TMEM244: variants seen among roughly 807,000 people sequenced by gnomAD.
The protein encoded by TMEM244 is putative transmembrane protein 244.
TMEM244 carries 13 observed loss-of-function variants against 15.8 expected under a neutral mutation model. The observed-to-expected ratio is 0.82, with a 90% CI of 0.53 to 1.30. The LOEUF is 1.30. Ranked by LOEUF, TMEM244 falls within the 50% of genes most tolerant of loss-of-function variation. TMEM244 has a pLI of 0.00. For synonymous variants in TMEM244, 45 were observed against 48.7 expected (o/e 0.92, Z 0.32); for missense variants, 161 against 144.9 (o/e 1.11, Z -0.57).
intron 1 of TMEM244, among the ~76,000 whole-genome samples, chr6:129,855,400 A>G (rs746728982): frequency 1.3e-5 from 2 of 152,296 alleles, no homozygotes; most frequent in African/African-American, 2.4e-5. Flanking sequence ...TTATTTCTCA[A>G]TGACAGAAAG....
At position 129,853,838 on chromosome 6, in the gene TMEM244, A is replaced by G. The variant is rs114968480; in HGVS notation, c.33+7318T>C. Among the ~76,000 whole-genome samples the G allele has an allele frequency of 3.5e-3, 537 of 152,312 alleles. 1 individual carries two copies. Among genetic ancestry groups the G allele is most frequent in the African/African-American group, 0.012 (497 of 41,580 alleles). ...GTGCACGTGGCATCCCTAAGGATTC[A>G]GAGCTTAAGTGGAGCCTGAGTACTT... On this transcript the variant is annotated intron_variant, in intron 1 of 4. Transcript: ENST00000368143.
chr6:129,850,617 C>T (rs1462339250), intron 1 of TMEM244, among the ~76,000 whole-genome samples: 1 of 152,104 alleles, frequency 6.6e-6, no homozygotes, highest in Non-Finnish European at 1.5e-5. Flanking sequence ...AAACACAATG[C>T]AAGCCACATA....
intron 4 of TMEM244, among the ~76,000 whole-genome samples, chr6:129,832,039 G>A (rs1180594898): frequency 6.6e-6 from 1 of 151,970 alleles, no homozygotes; most frequent in Non-Finnish European, 1.5e-5. Context: ...AGCGAAGCTA[G>A]GAAGTTGTAG....
At chr6:129,855,118 A>G (rs909920191) in intron 1 of TMEM244, among the ~76,000 whole-genome samples, 1 of 152,196 alleles carries the variant, frequency 6.6e-6, no homozygotes, top group Admixed American at 6.5e-5. Flanking sequence ...GGATTTCCAC[A>G]TGGGACAGCC....
chr6:129,838,940 G>A lies in TMEM244; in HGVS notation c.193+4590C>T, dbSNP rs937297667. On this transcript the variant is annotated intron_variant, in intron 3 of 4. Coordinates refer to ENST00000368143, the MANE Select transcript of TMEM244 (RefSeq NM_001010876.2). ...TCTGAAATAGAGGAAATAATTAATG[G>A]CCTATCAACCAAAAAAAGTCCATGA... is the stretch of plus-strand genomic sequence containing the variant. Among the ~76,000 whole-genome samples, 6 of 145,166 alleles carry A rather than the reference G, an allele frequency of 4.1e-5. No homozygotes were observed. In the East Asian group the frequency reaches 1.0e-3, roughly 24 times the overall value.
chr6:129,832,813 G>A (rs1776349185), intron 4 of TMEM244, among the ~76,000 whole-genome samples: 1 of 152,120 alleles, frequency 6.6e-6, no homozygotes, highest in African/African-American at 2.4e-5. Context: ...AAAATCACAG[G>A]TAGAAATAAA....
chr6:129,852,136 A>C (rs1776643700), intron 1 of TMEM244, among the ~76,000 whole-genome samples: 1 of 152,204 alleles, frequency 6.6e-6, no homozygotes. Context: ...AAGATTGAAT[A>C]GTTGATAATT....
intron 1 of TMEM244, among the ~76,000 whole-genome samples, chr6:129,856,269 G>C (rs941772339): frequency 1.5e-4 from 23 of 151,906 alleles, no homozygotes; most frequent in Admixed American, 1.5e-3. Context: ...ACATTCCAAT[G>C]GGATACTGTC....
At chr6:129,835,851 G>T (rs565702835) in intron 3 of TMEM244, among the ~76,000 whole-genome samples, 244 of 132,024 alleles carry the variant, frequency 1.8e-3, no homozygotes, top group African/African-American at 7.2e-3. Context: ...TTGATGTGGA[G>T]ATGGGCGTCT....
At chr6:129,857,079 T>C (rs1168590302) in intron 1 of TMEM244, among the ~76,000 whole-genome samples, 1 of 152,056 alleles carries the variant, frequency 6.6e-6, no homozygotes, top group East Asian at 1.9e-4. Context: ...TAACTAGCTA[T>C]TGTTTGTGTG....
intron 4 of TMEM244, 73 bp downstream of exon 4, chr6:129,833,384 TCTA>T (rs748963555): frequency 3.4e-6 from 5 of 1,479,486 alleles, no homozygotes; most frequent in Non-Finnish European, 4.5e-6. Flanking sequence ...ACAACAAAGT[TCTA>T]CTCAGGAAGT....
rs201466479 is a variant in TMEM244, at chr6:129,833,500, A to G, written c.279T>C (p.Ala93=). The change falls in exon 4 of 5, where the codon GCT becomes GCC. Residue 93 remains alanine (A), a synonymous_variant. Transcript: ENST00000368143. The part of the protein sequence containing the change: ...PVVEEWVWDY[A]ISVTILHVAI... The stretch of plus-strand genomic sequence containing the variant: ...CAACATGAAGAATAGTGACTGAAAT[A>G]GCATAATCCCAAACCCATTCTTCCA... 6.2e-7 allele frequency: 1 copy of G among 1,613,344 alleles called. No individual in the cohort carries two copies. The highest frequency in any genetic ancestry group is 1.7e-5 in the Admixed American group (1 of 59,978).
intron 4 of TMEM244, among the ~76,000 whole-genome samples, chr6:129,832,862 A>G (rs79444542): frequency 0.14 from 21,900 of 152,108 alleles, 1,763 homozygotes; most frequent in South Asian, 0.24. Flanking sequence ...TTTTAAAATA[A>G]CTATTGTTGG....
At chr6:129,838,602 TGG>T in intron 3 of TMEM244, among the ~76,000 whole-genome samples, 1 of 151,874 alleles carries the variant, frequency 6.6e-6, no homozygotes, top group Non-Finnish European at 1.5e-5. Context: ...CTGAAGGAGA[TGG>T]AGACACAAAA....
intron 1 of TMEM244, among the ~76,000 whole-genome samples, chr6:129,852,832 C>T (rs78796166): frequency 0.062 from 9,394 of 152,148 alleles, 431 homozygotes; most frequent in South Asian, 0.21. Context: ...CTTCTCCATA[C>T]GTGCCCCAAA....
chr6:129,839,666 A>C (rs768462581), intron 3 of TMEM244, among the ~76,000 whole-genome samples: 3 of 152,228 alleles, frequency 2.0e-5, no homozygotes, highest in Non-Finnish European at 2.9e-5. Flanking sequence ...ACATGATTGT[A>C]TATTTAGAAA....
At chr6:129,848,765 T>C (rs1776597344) in intron 1 of TMEM244, among the ~76,000 whole-genome samples, 1 of 152,188 alleles carries the variant, frequency 6.6e-6, no homozygotes, top group South Asian at 2.1e-4. Context: ...GAGTCATGTG[T>C]CTTTGGGTTT....
At chr6:129,857,606 C>T (rs979352872) in intron 1 of TMEM244, among the ~76,000 whole-genome samples, 19 of 151,994 alleles carry the variant, frequency 1.3e-4, no homozygotes, top group South Asian at 2.1e-4. Context: ...GTGATCCACC[C>T]GCCTTGGCCT....
At chr6:129,857,771 G>C (rs967799075) in intron 1 of TMEM244, among the ~76,000 whole-genome samples, 2 of 151,332 alleles carry the variant, frequency 1.3e-5, no homozygotes. Flanking sequence ...CTTTAGGATT[G>C]TAATGTGTGT....
Sources: gnomAD v4.1 joint callset for allele counts (sites outside exome capture counted in the v4.1 genomes callset) on GRCh38, gnomAD v4.1.1 for gene constraint, MANE v1.5 for transcripts, NCBI Gene and HGNC (gene_info 2026-07-23, HGNC 2026-07-21) for gene names.